Variants in FAM161A observed in about 807,000 individuals in gnomAD.
The protein encoded by FAM161A is protein FAM161A.
A neutral mutation model predicts 70.9 loss-of-function variants in FAM161A; 57 were observed. That is an observed-to-expected ratio of 0.80 (90% CI 0.65 to 1.00). FAM161A has a LOEUF of 1.00. Among genes scored for constraint, FAM161A ranks in the 50% least tolerant of loss-of-function variants. FAM161A has a pLI of 0.00. For synonymous variants in FAM161A, 299 were observed against 295.7 expected, an observed-to-expected ratio of 1.01 and a Z score of -0.12; for missense variants, 880 against 836.0, an observed-to-expected ratio of 1.05 and a Z score of -0.65.
chr2:61,812,589 G>A, the FAM161A span, among the ~76,000 whole-genome samples: 1 of 152,094 alleles, frequency 6.6e-6, no homozygotes, highest in East Asian at 1.9e-4. Flanking sequence ...GGGCATGGTG[G>A]TGGGTGCCTG....
intron 1 of FAM161A, among the ~76,000 whole-genome samples, chr2:61,847,588 C>T (rs201724320): frequency 1.3e-5 from 2 of 151,798 alleles, no homozygotes; most frequent in East Asian, 1.9e-4. Context: ...CTGGGTAACA[C>T]GTCAAGGCCT....
rs758809359 is a variant in FAM161A at position 61,827,104 on chromosome 2, C to T, written c.2006G>A (p.Ser669Asn). 55 of 1,613,252 alleles carry T rather than the reference C, an allele frequency of 3.4e-5. No individual in the cohort carries two copies. The highest frequency in any genetic ancestry group is 4.4e-5 in the Non-Finnish European group (52 of 1,179,874). The change falls in exon 6 of 7, where the codon AGC (serine) becomes AAC (asparagine). Residue 669 changes from serine (S) to asparagine (N), a missense_variant and splice_region_variant. Coordinates refer to ENST00000404929, the MANE Select transcript of FAM161A (RefSeq NM_001201543.2). ...ETKSVTEDKESFNEEEKIEER... is the reference protein window; with the variant it reads ...ETKSVTEDKENFNEEEKIEER... The stretch of plus-strand genomic sequence containing the variant: ...CATTCAGACATCTTATATATGTTAC[C>T]TTTCTTTGTCTTCAGTGACACTTTT...
chr2:61,831,829 T>C (rs1672585608), intron 5 of FAM161A, among the ~76,000 whole-genome samples: 1 of 152,088 alleles, frequency 6.6e-6, no homozygotes, highest in Admixed American at 6.6e-5. Flanking sequence ...GTCTCCCTCT[T>C]AAATGCAAAC....
intron 1 of FAM161A, among the ~76,000 whole-genome samples, chr2:61,849,476 C>A (rs952685597): frequency 6.6e-6 from 1 of 151,420 alleles, no homozygotes; most frequent in Non-Finnish European, 1.5e-5. Context: ...CTTTATTTTA[C>A]AAAATAAAAA....
intron 1 of FAM161A, among the ~76,000 whole-genome samples, chr2:61,849,814 T>C (rs1210239578): frequency 6.7e-6 from 1 of 149,048 alleles, no homozygotes; most frequent in Non-Finnish European, 1.5e-5. Context: ...AATGAAATCA[T>C]GTCCTTCACA....
At chr2:61,804,768 G>GA in the FAM161A span, among the ~76,000 whole-genome samples, 1 of 118,952 alleles carries the variant, frequency 8.4e-6, no homozygotes, top group Non-Finnish European at 1.7e-5. Flanking sequence ...GAAAAAGAAA[G>GA]AGAAAGAAAG....
In FAM161A at chr2:61,827,156, G is replaced by C. The variant is rs1275462647; in HGVS notation, c.1954C>G (p.Leu652Val). The C allele has an allele frequency of 6.2e-7, 1 of 1,613,914 alleles. No individual in the cohort carries two copies. The highest frequency in any genetic ancestry group is 1.1e-5 in the South Asian group (1 of 91,082). ...GTCTCTTGATTGTTGAAGTACTCAA[G>C]TACTTTTCCACTTTGGCCTTTCTTT... Reference protein sequence around the residue: ...VSKKGQSGKVLEYFNNQETKS... With the variant: ...VSKKGQSGKVVEYFNNQETKS... The change falls in exon 6 of 7, where the codon CTT becomes GTT. Residue 652 changes from leucine to valine, a missense_variant. By Grantham distance (32) the Leu-to-Val change is conservative. Transcript: ENST00000404929.
chr2:61,809,693 G>A, the FAM161A span, among the ~76,000 whole-genome samples: 8 of 152,132 alleles, frequency 5.3e-5, no homozygotes, highest in African/African-American at 1.9e-4. Context: ...ATGTGACTTT[G>A]ACTTCCCTGC....
downstream of FAM161A, among the ~76,000 whole-genome samples, chr2:61,821,984 G>T (rs1306923529): frequency 6.6e-6 from 1 of 151,720 alleles, no homozygotes; most frequent in Non-Finnish European, 1.5e-5. Flanking sequence ...GGTCAGGCTG[G>T]TCTCAAACTC....
rs537501738 is a variant in FAM161A, at chr2:61,826,173, A to G, written c.*282T>C. ...TGAAATAATGTATATTTTTATAACT[A>G]ATCAGTTTGTGACAGCTGTGGTTCT... On this transcript the variant is annotated 3_prime_UTR_variant, in exon 7 of 7. Transcript: ENST00000404929. The G allele has an allele frequency of 5.2e-6, 3 of 573,774 alleles. No homozygotes were observed. In the African/African-American group the frequency reaches 5.5e-5, roughly 11 times the overall value. The allele number at this position is 573,774 out of a possible 1,614,324, so 35.5% of individuals were successfully genotyped here.
Position 61,825,350 on chromosome 2 carries a change from TG to T in FAM161A, c.*1104del, listed in dbSNP as rs1558471906. 6.6e-6 allele frequency: 3 copies of T among 454,116 alleles called. No homozygotes were observed. The highest frequency in any genetic ancestry group is 1.3e-5 in the Non-Finnish European group (3 of 226,794). The allele number at this position is 454,116 out of a possible 1,614,324, so 28.1% of individuals were successfully genotyped here. A position where few individuals can be genotyped will look rare whatever the true frequency, so the allele number is the denominator to read the frequency against. On this transcript the variant is annotated 3_prime_UTR_variant, in exon 7 of 7. Transcript: ENST00000404929. ...GTGAAGAGTTAAATCTGAATTACTT[TG>T]GAGACTTGCCCTAGCCAAGTTATTA...
At position 61,838,884 on chromosome 2, in the gene FAM161A, A is replaced by ATTT. The variant is rs749935817; in HGVS notation, c.1584-182_1584-180dup. Among the ~76,000 whole-genome samples, 261 of 133,666 alleles carry ATTT rather than the reference A, an allele frequency of 2.0e-3. 1 individual carries two copies. Among genetic ancestry groups the ATTT allele is most frequent in the Non-Finnish European group, 2.5e-3 (162 of 65,324 alleles). The allele number at this position is 133,666 out of a possible 152,430, so 87.7% of individuals were successfully genotyped here. ...TATTTATTTATTTATTTATTTATTT[A>ATTT]TTTATTTATTTTTTTTGAGATGGAG... On this transcript the variant is annotated intron_variant, in intron 3 of 6. Coordinates refer to ENST00000404929, the MANE Select transcript of FAM161A (RefSeq NM_001201543.2).
At chr2:61,848,702 A>G (rs192194206) in intron 1 of FAM161A, among the ~76,000 whole-genome samples, 8 of 146,038 alleles carry the variant, frequency 5.5e-5, no homozygotes, top group Admixed American at 2.9e-4. Flanking sequence ...TTTTTCGCTG[A>G]ATTTGTAAAG....
At chr2:61,839,386 C>T in intron 3 of FAM161A, 35 bp downstream of exon 3, 4 of 1,599,956 alleles carry the variant, frequency 2.5e-6, no homozygotes, top group African/African-American at 1.3e-5. Flanking sequence ...ATCTGGCAAC[C>T]ATGAGTCAGT....
chr2:61,846,600 G>GTC (rs1457993694), intron 1 of FAM161A, among the ~76,000 whole-genome samples: 1 of 152,174 alleles, frequency 6.6e-6, no homozygotes, highest in African/African-American at 2.4e-5. Flanking sequence ...TTAAACTAGT[G>GTC]TCTCTCAGCT....
In FAM161A at chr2:61,839,680, G is replaced by C. The variant is rs200458949; in HGVS notation, c.1324C>G (p.Leu442Val). 2.5e-6 allele frequency: 4 copies of C among 1,614,070 alleles called. No homozygotes were observed. Among genetic ancestry groups the C allele is most frequent in the African/African-American group, 1.3e-5 (1 of 74,922 alleles). Residue 442 changes from leucine to valine, a missense_variant, in exon 3 of 7, where the codon CTC (leucine) becomes GTC (valine). Physicochemically the swap from Leu to Val is conservative, Grantham distance 32 (BLOSUM62 1). Transcript: ENST00000404929. ...EDLPERYQKH[L>V]SEHKSPKLLT... ...AGTTTTGGAGACTTGTGTTCTGAGA[G>C]GTGTTTCTGGTATCTCTCAGGAAGG...
At chr2:61,840,879 T>C (rs1214523625) in intron 2 of FAM161A, among the ~76,000 whole-genome samples, 2 of 152,190 alleles carry the variant, frequency 1.3e-5, no homozygotes, top group Non-Finnish European at 2.9e-5. Context: ...CTCAATCTCC[T>C]GACCTCGTGA....
chr2:61,803,148 C>A, the FAM161A span: 1 of 473,842 alleles, frequency 2.1e-6, no homozygotes, highest in South Asian at 1.9e-5. Flanking sequence ...AACAGATGCT[C>A]ATTGATGTCC....
the FAM161A span, among the ~76,000 whole-genome samples, chr2:61,814,865 T>C: frequency 0.22 from 33,896 of 152,140 alleles, 3,882 homozygotes; most frequent in Middle Eastern, 0.29. Context: ...GCTTTTAGTT[T>C]TTCAGCCAGA....
Sources: gnomAD v4.1 joint callset for allele counts (sites outside exome capture counted in the v4.1 genomes callset) on GRCh38, gnomAD v4.1.1 for gene constraint, MANE v1.5 for transcripts, NCBI Gene and HGNC (gene_info 2026-07-23, HGNC 2026-07-21) for gene names.